The following ANO6 variants were observed in gnomAD, a reference collection of about 807,000 sequenced individuals.
ANO6 encodes anoctamin 6.
Under a neutral mutation model 117.5 loss-of-function variants are expected in ANO6, and 106 were observed. That is an observed-to-expected ratio of 0.90 (90% CI 0.77 to 1.06). The LOEUF (loss-of-function observed/expected upper bound fraction) is 1.06, where lower values mean the gene tolerates loss of function less well. Among genes scored for constraint, ANO6 ranks in the 50% least tolerant of loss-of-function variants. The pLI, the probability that ANO6 is intolerant of heterozygous loss-of-function variation, is 0.00. For missense variants in ANO6, 955 were observed against 1,121.1 expected (o/e 0.85, Z 2.12); for synonymous variants, 367 against 385.1 (o/e 0.95, Z 0.55).
chr12:45,421,992 T>G (rs528281212), intron 18 of ANO6, among the ~76,000 whole-genome samples: 8 of 152,322 alleles, frequency 5.3e-5, no homozygotes, highest in African/African-American at 1.4e-4. Flanking sequence ...CTAACTCAGA[T>G]TCTCAATGAT....
At chr12:45,349,112 A>G (rs1941218721) in intron 6 of ANO6, among the ~76,000 whole-genome samples, 1 of 152,248 alleles carries the variant, frequency 6.6e-6, no homozygotes, top group Non-Finnish European at 1.5e-5. Flanking sequence ...AAATACTATT[A>G]TAAGTGTTAG....
intron 1 of ANO6, among the ~76,000 whole-genome samples, chr12:45,276,443 C>G (rs886568687): frequency 6.6e-6 from 1 of 152,178 alleles, no homozygotes. Context: ...TATCTTTGAG[C>G]ACACCAAGAT....
intron 2 of ANO6, among the ~76,000 whole-genome samples, chr12:45,317,109 A>ATATGTGTGTG (rs1555168438): frequency 5.0e-5 from 2 of 39,944 alleles, no homozygotes; most frequent in Admixed American, 4.2e-4. Flanking sequence ...GATTCTTTTT[A>ATATGTGTGTG]TATGTATATA....
intron 9 of ANO6, among the ~76,000 whole-genome samples, chr12:45,374,103 A>G (rs1441322508): frequency 1.3e-5 from 2 of 149,770 alleles, no homozygotes; most frequent in African/African-American, 4.9e-5. Flanking sequence ...GAAAATCTAG[A>G]AGAAATGGAT....
intron 2 of ANO6, among the ~76,000 whole-genome samples, chr12:45,305,613 G>A (rs998201022): frequency 2.0e-5 from 3 of 152,162 alleles, no homozygotes; most frequent in African/African-American, 7.2e-5. Context: ...CTCTGGGGAA[G>A]GGAATCAGTT....
At position 45,329,847 on chromosome 12, in the gene ANO6, T is replaced by G. The variant is rs542036427; in HGVS notation, c.151-1448T>G. 3.3e-5 allele frequency among the ~76,000 whole-genome samples: 5 copies of G among 152,160 alleles called. No homozygotes were observed. The East Asian group carries it at 9.7e-4, about 29-fold the overall frequency. On this transcript the variant is annotated intron_variant, in intron 2 of 19. Coordinates refer to ENST00000320560, the MANE Select transcript of ANO6 (RefSeq NM_001025356.3). ...TAGTCCTCATTGAAAGTAAGAGAAA[T>G]TGAATGGACCTAAAGGACTCTGTGG...
chr12:45,340,277 T>C (rs1204033720), intron 3 of ANO6, among the ~76,000 whole-genome samples: 2 of 152,166 alleles, frequency 1.3e-5, no homozygotes, highest in Non-Finnish European at 2.9e-5. Context: ...TTCTGGAGTG[T>C]GGCAGGTGCT....
chr12:45,388,262 G>C lies in ANO6; in HGVS notation c.1267G>C (p.Glu423Gln), dbSNP rs190060422. The change falls in exon 11 of 20, where the codon GAA (glutamate) becomes CAA (glutamine). Residue 423 changes from glutamate (E) to glutamine (Q), a missense_variant. By Grantham distance (29) the Glu-to-Gln change is conservative. Coordinates refer to ENST00000320560, the MANE Select transcript of ANO6 (RefSeq NM_001025356.3). ...GGAAGAACAAGCCCGACCAGAATAC[G>C]AAGCACGATGTACTCACGTAGTGAT... The part of the protein sequence containing the change: ...QQEEQARPEY[E>Q]ARCTHVVINE... 2.5e-4 allele frequency: 400 copies of C among 1,614,098 alleles called. 3 individuals are homozygous for C. Among genetic ancestry groups the C allele is most frequent in the Non-Finnish European group, 1.5e-4 (175 of 1,179,996 alleles).
At position 45,309,101 on chromosome 12, in the gene ANO6, A is replaced by G. The variant is rs117160721; in HGVS notation, c.150+7008A>G. Among the ~76,000 whole-genome samples, 33 of 152,170 alleles carry G rather than the reference A, an allele frequency of 2.2e-4. No individual in the cohort carries two copies. In the East Asian group the frequency reaches 6.4e-3, roughly 29 times the overall value. ...TATTTCTTAAATAAATGCTTCTTGA[A>G]TTTTTCAGGATGGCAAGGGCTGGGG... On this transcript the variant is annotated intron_variant, in intron 2 of 19. Coordinates refer to ENST00000320560, the MANE Select transcript of ANO6 (RefSeq NM_001025356.3).
chr12:45,295,035 T>C (rs998698837), intron 1 of ANO6, among the ~76,000 whole-genome samples: 4 of 152,212 alleles, frequency 2.6e-5, no homozygotes, highest in Non-Finnish European at 5.9e-5. Flanking sequence ...TGCATTTTAT[T>C]GATGAGGAAA....
chr12:45,309,488 C>T (rs534082724), intron 2 of ANO6, among the ~76,000 whole-genome samples: 1 of 152,104 alleles, frequency 6.6e-6, no homozygotes, highest in South Asian at 2.1e-4. Flanking sequence ...ATGAGAGAAT[C>T]AGAGCCAGCT....
chr12:45,266,805 A>AGT (rs57682251), intron 1 of ANO6, among the ~76,000 whole-genome samples: 3,684 of 145,726 alleles, frequency 0.025, 91 homozygotes, highest in African/African-American at 0.074. Context: ...TCAAAAAACA[A>AGT]GTGTGTGTGT....
chr12:45,419,046 G>C (rs917002146), intron 17 of ANO6, among the ~76,000 whole-genome samples: 57 of 152,332 alleles, frequency 3.7e-4, no homozygotes, highest in African/African-American at 1.3e-3. Flanking sequence ...ACCAGGATGA[G>C]AGTGGGCATC....
intron 2 of ANO6, among the ~76,000 whole-genome samples, chr12:45,316,890 C>A (rs1028529034): frequency 2.0e-4 from 30 of 148,388 alleles, no homozygotes; most frequent in Non-Finnish European, 3.9e-4. Flanking sequence ...AAGTATCGAC[C>A]TCAGAGTTTT....
At chr12:45,250,916 T>C (rs1278115570) in intron 1 of ANO6, among the ~76,000 whole-genome samples, 2 of 151,832 alleles carry the variant, frequency 1.3e-5, no homozygotes, top group African/African-American at 4.8e-5. Flanking sequence ...GTTCATATAA[T>C]AACAAAATAG....
At chr12:45,230,872 G>A (rs1378908407) in intron 1 of ANO6, among the ~76,000 whole-genome samples, 12 of 152,146 alleles carry the variant, frequency 7.9e-5, no homozygotes, top group Admixed American at 7.9e-4. Context: ...TAGGCTGGGT[G>A]CAGCAGCTTA....
At chr12:45,336,799 AAAGG>A (rs1208851514) in intron 3 of ANO6, among the ~76,000 whole-genome samples, 11 of 152,152 alleles carry the variant, frequency 7.2e-5, no homozygotes, top group African/African-American at 2.6e-4. Context: ...ATAAATAAAA[AAAGG>A]AAGTTAACTG....
At chr12:45,393,913 G>A (rs189648073) in intron 12 of ANO6, among the ~76,000 whole-genome samples, 24 of 152,264 alleles carry the variant, frequency 1.6e-4, no homozygotes, top group African/African-American at 4.3e-4. Context: ...AAAGACCGTC[G>A]ATCCTATGAA....
intron 1 of ANO6, among the ~76,000 whole-genome samples, chr12:45,245,945 CA>C (rs560906864): frequency 0.018 from 1,834 of 100,636 alleles, 26 homozygotes; most frequent in African/African-American, 0.04. Flanking sequence ...ACATTTTAGT[CA>C]AAAAAAAAAA....
Sources: gnomAD v4.1 joint callset for allele counts (sites outside exome capture counted in the v4.1 genomes callset) on GRCh38, gnomAD v4.1.1 for gene constraint, MANE v1.5 for transcripts, NCBI Gene and HGNC (gene_info 2026-07-23, HGNC 2026-07-21) for gene names.